The following PSD2 variants were observed in gnomAD, a reference collection of about 807,000 sequenced individuals.
PSD2 encodes PH and SEC7 domain-containing protein 2.
Under a neutral mutation model 69.8 loss-of-function variants are expected in PSD2, and 38 were observed. The observed-to-expected ratio is 0.54, with a 90% CI of 0.42 to 0.71. The LOEUF is 0.71. PSD2 is among the 30% of genes least tolerant of loss of function. The pLI, the probability that PSD2 is intolerant of heterozygous loss-of-function variation, is 0.00. For synonymous variants in PSD2, 412 were observed against 423.0 expected (o/e 0.97, Z 0.32); for missense variants, 943 against 1,014.5 (o/e 0.93, Z 0.96).
chr5:139,755,632 C>A, the PSD2 span, among the ~76,000 whole-genome samples: 3 of 107,296 alleles, frequency 2.8e-5, no homozygotes, highest in African/African-American at 4.0e-5. Flanking sequence ...CTCTGCGGCC[C>A]TGCTGTGTGT....
At chr5:139,756,660 T>C in the PSD2 span, among the ~76,000 whole-genome samples, 1 of 152,046 alleles carries the variant, frequency 6.6e-6, no homozygotes, top group African/African-American at 2.4e-5. Context: ...ACCCAGCTGG[T>C]GGGATTCTTC....
rs751249212 is a variant in PSD2 at position 139,822,769 on chromosome 5, G to A, written c.1254G>A (p.Thr418=). 4.0e-5 allele frequency: 64 copies of A among 1,609,114 alleles called. No homozygotes were observed. The highest frequency in any genetic ancestry group is 1.4e-4 in the South Asian group (13 of 90,230). The change falls in exon 7 of 15, where the codon ACG becomes ACA. Residue 418 remains threonine, a synonymous_variant. Coordinates refer to ENST00000274710, the MANE Select transcript of PSD2 (RefSeq NM_032289.4). The part of the protein sequence containing the change: ...TLTCALMLLN[T]DLHGHNIGKK... Reference sequence around the variant, plus strand: ...CCTGTGCCCTGATGCTGCTCAACACGGACCTGCACGGCCACGTGAGTTGGG... The same window carrying A: ...CCTGTGCCCTGATGCTGCTCAACACAGACCTGCACGGCCACGTGAGTTGGG...
chr5:139,751,098 G>A, the PSD2 span, among the ~76,000 whole-genome samples: 2 of 152,162 alleles, frequency 1.3e-5, no homozygotes, highest in Non-Finnish European at 2.9e-5. Context: ...GTAGAGGAGG[G>A]ACAGGTGAGA....
intron 4 of PSD2, among the ~76,000 whole-genome samples, chr5:139,815,854 C>T (rs1156823891): frequency 3.3e-5 from 5 of 151,866 alleles, no homozygotes; most frequent in South Asian, 2.1e-4. Flanking sequence ...ATTAGCTGGG[C>T]GCTGTGGTGG....
intron 14 of PSD2, among the ~76,000 whole-genome samples, chr5:139,841,894 A>G (rs767228310): frequency 6.6e-6 from 1 of 152,242 alleles, no homozygotes; most frequent in Non-Finnish European, 1.5e-5. Flanking sequence ...TTCTGGATAC[A>G]AGACCCTTAT....
At chr5:139,754,024 T>C in the PSD2 span, among the ~76,000 whole-genome samples, 13 of 151,998 alleles carry the variant, frequency 8.6e-5, no homozygotes, top group Admixed American at 2.0e-4. Context: ...TTAGTAGAGA[T>C]GGGGTTTCAC....
the PSD2 span, among the ~76,000 whole-genome samples, chr5:139,750,788 G>A: frequency 1.3e-5 from 2 of 152,232 alleles, no homozygotes; most frequent in Non-Finnish European, 2.9e-5. Context: ...GCAAGAGGGA[G>A]GCTGAAGCCC....
the PSD2 span, among the ~76,000 whole-genome samples, chr5:139,754,273 T>A: frequency 6.6e-6 from 1 of 151,866 alleles, no homozygotes. Flanking sequence ...CTACAAAAAA[T>A]TTTAAAAATT....
At chr5:139,795,647 G>A (rs1368403147), upstream of PSD2, among the ~76,000 whole-genome samples, 1 of 151,794 alleles carries the variant, frequency 6.6e-6, no homozygotes, top group Non-Finnish European at 1.5e-5. The surrounding 1 kb of genome is among the most constrained non-coding windows in gnomAD (Gnocchi z 4.5). Context: ...TCGGGGTCCC[G>A]GGGCGAGCGC....
the PSD2 span, among the ~76,000 whole-genome samples, chr5:139,766,828 C>CTTCTCTCTCTCTCT: frequency 2.0e-4 from 18 of 87,814 alleles, no homozygotes; most frequent in Admixed American, 3.8e-4. Flanking sequence ...AAGTCCCTTC[C>CTTCTCTCTCTCTCT]TTCTTTCTTT....
the PSD2 span, among the ~76,000 whole-genome samples, chr5:139,778,936 GA>G: frequency 1.0e-4 from 6 of 60,208 alleles, no homozygotes; most frequent in Non-Finnish European, 1.8e-4. Flanking sequence ...CTCAAAAAAA[GA>G]AAAAAAACAA....
At chr5:139,831,229 A>G (rs900752871) in intron 7 of PSD2, among the ~76,000 whole-genome samples, 4 of 152,176 alleles carry the variant, frequency 2.6e-5, no homozygotes, top group South Asian at 2.1e-4. Context: ...TTTGTCAGAC[A>G]TTAGTGTAGC....
chr5:139,786,211 C>A, the PSD2 span, among the ~76,000 whole-genome samples: 6 of 152,042 alleles, frequency 3.9e-5, no homozygotes, highest in South Asian at 1.0e-3. Flanking sequence ...ATAGTGAAAC[C>A]CTGTCTCTAC....
At chr5:139,789,243 G>A in the PSD2 span, among the ~76,000 whole-genome samples, 1 of 152,226 alleles carries the variant, frequency 6.6e-6, no homozygotes, top group Non-Finnish European at 1.5e-5. Context: ...GACTGAGAGG[G>A]AGTGTGCAGG....
In PSD2 at chr5:139,814,440, C is replaced by T; in HGVS notation, c.1016+76C>T. On this transcript the variant is annotated intron_variant, in intron 4 of 14. Transcript: ENST00000274710. The surrounding 1 kb of genome is among the most constrained non-coding windows in gnomAD (Gnocchi z 4.4). ...TCAACCTGAAGAGGGTGTGGGTGAC[C>T]TTCTTCAGGGGTGCCAGGTGCTGGG... 7.2e-7 allele frequency: 1 copy of T among 1,382,328 alleles called. No individual in the cohort carries two copies. Among genetic ancestry groups the T allele is most frequent in the Admixed American group, 2.7e-5 (1 of 36,364 alleles). 85.6% of individuals were successfully genotyped at this position (1,382,328 alleles called of 1,614,324 possible).
intron 7 of PSD2, among the ~76,000 whole-genome samples, chr5:139,830,800 G>A (rs1440730952): frequency 7.4e-6 from 1 of 134,828 alleles, no homozygotes; most frequent in Non-Finnish European, 1.6e-5. Flanking sequence ...GATTACAGGT[G>A]TGAGCCACCA....
At chr5:139,764,179 TC>T in the PSD2 span, among the ~76,000 whole-genome samples, 1 of 152,108 alleles carries the variant, frequency 6.6e-6, no homozygotes, top group African/African-American at 2.4e-5. Flanking sequence ...TCACACTGTT[TC>T]TGTGTCTGCC....
chr5:139,803,425 G>C (rs1241868210), intron 1 of PSD2, among the ~76,000 whole-genome samples: 1 of 152,204 alleles, frequency 6.6e-6, no homozygotes, highest in African/African-American at 2.4e-5. Flanking sequence ...AGAAGGTTTT[G>C]GGAGGCAGCA....
At chr5:139,789,348 C>T in the PSD2 span, among the ~76,000 whole-genome samples, 6 of 152,294 alleles carry the variant, frequency 3.9e-5, no homozygotes, top group South Asian at 1.2e-3. Context: ...GGGGGCACCT[C>T]CTCAGAGAGG....
Sources: gnomAD v4.1 joint callset for allele counts (sites outside exome capture counted in the v4.1 genomes callset) on GRCh38, gnomAD v4.1.1 for gene constraint, Gnocchi (gnomAD v3.1) non-coding constraint, MANE v1.5 for transcripts, NCBI Gene and HGNC (gene_info 2026-07-23, HGNC 2026-07-21) for gene names.